ACOT11: variants seen among roughly 807,000 people sequenced by gnomAD.
ACOT11 encodes acyl-coenzyme A thioesterase 11.
Under a neutral mutation model 77.5 loss-of-function variants are expected in ACOT11, and 69 were observed. That is an observed-to-expected ratio of 0.89 (90% CI 0.73 to 1.09). ACOT11 has a LOEUF of 1.09. Among genes scored for constraint, ACOT11 ranks in the 50% least tolerant of loss-of-function variants. The pLI is 0.00. For missense variants in ACOT11, 766 were observed against 813.7 expected (o/e 0.94, Z 0.71); for synonymous variants, 279 against 313.0 (o/e 0.89, Z 1.15).
chr1:54,601,997 G>T (rs1417640029), intron 9 of ACOT11, among the ~76,000 whole-genome samples: 3 of 152,254 alleles, frequency 2.0e-5, no homozygotes, highest in Non-Finnish European at 4.4e-5. Context: ...CCCTCCCTTG[G>T]GGGAGGTCCC....
chr1:54,610,622 G>A (rs1644107975), downstream of ACOT11: 2 of 1,569,000 alleles, frequency 1.3e-6, no homozygotes, highest in Non-Finnish European at 8.6e-7. Flanking sequence ...TGGTTGCTAG[G>A]GTCCCATAGG....
chr1:54,617,244 G>A (rs990666376), intron 15 of ACOT11, among the ~76,000 whole-genome samples: 12 of 152,084 alleles, frequency 7.9e-5, no homozygotes, highest in Non-Finnish European at 1.5e-4. Flanking sequence ...CATGCAAGGG[G>A]CACTCACACT....
chr1:54,603,849 T>G (rs1471924388), intron 10 of ACOT11, 22 bp from the exon 11 acceptor site: 2 of 1,612,650 alleles, frequency 1.2e-6, no homozygotes, highest in Non-Finnish European at 1.7e-6. Context: ...GGACCAAGGT[T>G]GTCATCTTCT....
chr1:54,634,794 C>T, exon 17 of ACOT11: 1 of 696,960 alleles, frequency 1.4e-6, no homozygotes, highest in Non-Finnish European at 2.6e-6. Flanking sequence ...CCCCTGGTTG[C>T]AGCCACGTAG....
chr1:54,562,532 G>A (rs1178671548), intron 1 of ACOT11, among the ~76,000 whole-genome samples: 4 of 88,852 alleles, frequency 4.5e-5, no homozygotes, highest in South Asian at 3.7e-4. Context: ...GCGGCTGGCC[G>A]GGCGGGGGGC....
In ACOT11 at chr1:54,607,381, C is replaced by A; in HGVS notation, c.1502+116C>A. ...GAGCCAGAGCTCTGCTTCCCATTGG[C>A]TGTGGGGCCCCAGGCACCACTAGAC... On this transcript the variant is annotated intron_variant, in intron 14 of 15. Transcript: ENST00000343744. The surrounding 1 kb of genome is among the most constrained non-coding windows in gnomAD (Gnocchi z 4.5). 1 of 1,513,816 alleles carries A rather than the reference C, an allele frequency of 6.6e-7. No homozygotes were observed. The highest frequency in any genetic ancestry group is 8.9e-7 in the Non-Finnish European group (1 of 1,120,504). The allele number at this position is 1,513,816 out of a possible 1,614,324, so 93.8% of individuals were successfully genotyped here. A position where few individuals can be genotyped will look rare whatever the true frequency, so the allele number is the denominator to read the frequency against.
chr1:54,633,491 A>G lies in ACOT11; in HGVS notation c.1783-1197A>G, dbSNP rs565607529. 2.0e-5 allele frequency among the ~76,000 whole-genome samples: 3 copies of G among 152,342 alleles called. No homozygotes were observed. The South Asian group carries it at 6.2e-4, about 32-fold the overall frequency. The stretch of plus-strand genomic sequence containing the variant: ...CATAGATTTAAAAGACTGTTTCTTT[A>G]CTATACCTTTAGCTGAGCAAGACTG... On this transcript the variant is annotated intron_variant, in intron 16 of 16. Transcript: ENST00000371316.
At chr1:54,615,431 G>T (rs920490695) in intron 15 of ACOT11, among the ~76,000 whole-genome samples, 1 of 152,124 alleles carries the variant, frequency 6.6e-6, no homozygotes, top group Non-Finnish European at 1.5e-5. Context: ...TGACAAAACT[G>T]GTGTTTTGAA....
chr1:54,562,805 G>A (rs1414374292), intron 1 of ACOT11, among the ~76,000 whole-genome samples: 5 of 95,700 alleles, frequency 5.2e-5, no homozygotes, highest in African/African-American at 8.8e-5. Flanking sequence ...CATCTCAGAC[G>A]ATGGGCGGCC....
intron 10 of ACOT11, 103 bp downstream of exon 10, chr1:54,602,827 C>A: frequency 7.8e-7 from 1 of 1,279,764 alleles, no homozygotes; most frequent in Non-Finnish European, 1.0e-6. Flanking sequence ...GTGCGTTGGG[C>A]CCTGGGCCGG....
downstream of ACOT11, chr1:54,612,691 C>T: frequency 5.6e-6 from 9 of 1,613,780 alleles, no homozygotes; most frequent in Non-Finnish European, 7.6e-6. Flanking sequence ...GGATACTTCT[C>T]CTGGACCAGG....
intron 6 of ACOT11, among the ~76,000 whole-genome samples, chr1:54,596,669 G>C (rs1361858559): frequency 2.6e-5 from 4 of 152,144 alleles, no homozygotes; most frequent in African/African-American, 9.7e-5. Flanking sequence ...TGCCTCCCAG[G>C]TTCAAGTGAT....
Position 54,584,551 on chromosome 1 carries a change from T to G in ACOT11, c.34-104T>G, listed in dbSNP as rs1331547963. The G allele has an allele frequency of 4.5e-6, 5 of 1,115,092 alleles. No individual in the cohort carries two copies. In the Admixed American group the frequency reaches 1.1e-4, roughly 25 times the overall value. 69.1% of individuals were successfully genotyped at this position (1,115,092 alleles called of 1,614,324 possible). On this transcript the variant is annotated intron_variant, in intron 1 of 15. Coordinates refer to ENST00000343744, the MANE Select transcript of ACOT11 (RefSeq NM_147161.4). The surrounding 1 kb of genome is among the most constrained non-coding windows in gnomAD (Gnocchi z 6.3). ...GGGTCTGGTGGGAGGTGGCCCTAGG[T>G]ACTCTCTCTCCCCCAGACCCTAAGT...
At chr1:54,604,474 G>C (rs1330750064) in intron 12 of ACOT11, 45 bp downstream of exon 12, 1 of 1,576,332 alleles carries the variant, frequency 6.3e-7, no homozygotes, top group South Asian at 1.1e-5. Context: ...ATCTGAGCCA[G>C]AGGTGGCTAA....
intron 6 of ACOT11, among the ~76,000 whole-genome samples, chr1:54,596,073 A>G (rs990574750): frequency 6.6e-6 from 1 of 152,192 alleles, no homozygotes; most frequent in Non-Finnish European, 1.5e-5. Flanking sequence ...CTGTCCTAAC[A>G]GCGCTCCCAC....
At chr1:54,605,321 G>T in intron 13 of ACOT11, 112 bp downstream of exon 13, 1 of 1,453,134 alleles carries the variant, frequency 6.9e-7, no homozygotes, top group South Asian at 1.4e-5. Flanking sequence ...TGGGGCTGGG[G>T]GTGGGTTGGA....
Position 54,609,441 on chromosome 1 carries a change from G to A in ACOT11, c.*329G>A, listed in dbSNP as rs3179918. 1.2e-6 allele frequency: 2 copies of A among 1,613,670 alleles called. No homozygotes were observed. The highest frequency in any genetic ancestry group is 1.3e-5 in the African/African-American group (1 of 75,010). ...ACGGTGGCCCGGGGGGAGGATGCCA[G>A]CAGCCTGCCTATGGCTCCAGCTGTG... On this transcript the variant is annotated 3_prime_UTR_variant, in exon 16 of 16. Transcript: ENST00000343744.
chr1:54,548,454 G>A, intron 1 of ACOT11, 112 bp downstream of exon 1: 1 of 1,323,842 alleles, frequency 7.6e-7, no homozygotes, highest in Non-Finnish European at 1.0e-6. Flanking sequence ...ACTCTCCACG[G>A]GCCATTTTCT....
intron 6 of ACOT11, among the ~76,000 whole-genome samples, chr1:54,594,947 G>A (rs754215501): frequency 2.6e-5 from 4 of 152,226 alleles, no homozygotes; most frequent in African/African-American, 7.2e-5. Context: ...GCCACAAAAC[G>A]CATTTGGGTC....
Sources: gnomAD v4.1 joint callset for allele counts (sites outside exome capture counted in the v4.1 genomes callset) on GRCh38, gnomAD v4.1.1 for gene constraint, Gnocchi (gnomAD v3.1) non-coding constraint, MANE v1.5 for transcripts, NCBI Gene and HGNC (gene_info 2026-07-23, HGNC 2026-07-21) for gene names.